Variants in KCNH4 observed in about 807,000 individuals in gnomAD.
The protein encoded by KCNH4 is voltage-gated delayed rectifier potassium channel KCNH4.
A neutral mutation model predicts 90.7 loss-of-function variants in KCNH4; 33 were observed. The observed-to-expected ratio is 0.36, with a 90% CI of 0.28 to 0.49. The LOEUF (loss-of-function observed/expected upper bound fraction) is 0.49. Among genes scored for constraint, KCNH4 ranks in the 20% least tolerant of loss-of-function variants. The pLI, the probability that KCNH4 is intolerant of heterozygous loss-of-function variation, is 0.98. For synonymous variants in KCNH4, 551 were observed against 581.7 expected, an observed-to-expected ratio of 0.95 and a Z score of 0.76; for missense variants, 1,044 against 1,387.1, an observed-to-expected ratio of 0.75 and a Z score of 3.93.
intron 9 of KCNH4, among the ~76,000 whole-genome samples, chr17:42,168,716 A>G (rs1568034412): frequency 6.6e-6 from 1 of 151,450 alleles, no homozygotes; most frequent in Non-Finnish European, 1.5e-5. Context: ...ACAATACCTC[A>G]CCCCCCGGGC....
Position 42,178,946 on chromosome 17 carries a change from T to A in KCNH4, c.157A>T (p.Thr53Ser). ...VYCSDGFCEL[T>S]GYGRTEVMQK... Reference sequence around the variant, plus strand: ...ATGACCTCGGTGCGACCGTAGCCTGTGAGCTCGCAGAAGCCGTCGGAGCAG... The same window carrying A: ...ATGACCTCGGTGCGACCGTAGCCTGAGAGCTCGCAGAAGCCGTCGGAGCAG... The change falls in exon 2 of 17, where the codon ACA becomes TCA. Residue 53 changes from threonine (T) to serine (S), a missense_variant. By Grantham distance (58) the Thr-to-Ser change is moderately conservative (BLOSUM62 1). This residue lies in a region of KCNH4 where 283 missense variants were observed against 378.6 expected (regional missense o/e 0.75). Coordinates refer to ENST00000264661, the MANE Select transcript of KCNH4 (RefSeq NM_012285.3). 1 of 1,614,218 alleles carries A rather than the reference T, an allele frequency of 6.2e-7. No homozygotes were observed. Among genetic ancestry groups the A allele is most frequent in the Non-Finnish European group, 8.5e-7 (1 of 1,180,052 alleles).
intron 1 of KCNH4, among the ~76,000 whole-genome samples, chr17:42,179,966 G>A (rs1460296381): frequency 6.6e-6 from 1 of 152,250 alleles, no homozygotes; most frequent in Non-Finnish European, 1.5e-5. Context: ...GGTGCTCTAG[G>A]AGGGATGACT....
chr17:42,175,123 C>T (rs2079852410), intron 6 of KCNH4, among the ~76,000 whole-genome samples: 1 of 152,226 alleles, frequency 6.6e-6, no homozygotes, highest in Non-Finnish European at 1.5e-5. Flanking sequence ...TCTTCCACCC[C>T]CATTCACCTC....
chr17:42,158,208 G>A (rs540146214), intron 16 of KCNH4, among the ~76,000 whole-genome samples: 13 of 151,372 alleles, frequency 8.6e-5, no homozygotes, highest in East Asian at 7.9e-4. Flanking sequence ...GATTACAGGC[G>A]TGAGCCACCA....
At chr17:42,179,145 C>G in intron 1 of KCNH4, 119 bp from the exon 2 acceptor site, 1 of 671,830 alleles carries the variant, frequency 1.5e-6, no homozygotes. Flanking sequence ...CCCAGGTTTC[C>G]ATGTTGCTCC....
chr17:42,169,967 A>G, intron 8 of KCNH4, 140 bp downstream of exon 8: 1 of 935,130 alleles, frequency 1.1e-6, no homozygotes. Context: ...GGCACTCAGG[A>G]AACGTCCGTG....
Position 42,176,161 on chromosome 17 carries a change from G to A in KCNH4, c.722C>T (p.Ala241Val), listed in dbSNP as rs1379721036. 4.3e-6 allele frequency: 7 copies of A among 1,613,906 alleles called. No homozygotes were observed. Among genetic ancestry groups the A allele is most frequent in the East Asian group, 2.2e-5 (1 of 44,862 alleles). Reference protein sequence around the residue: ...GLILLATFYVAVTVPYNVCFS... With the variant: ...GLILLATFYVVVTVPYNVCFS... ...ACAGACATTGTAGGGGACGGTGACC[G>A]CAACGTAGAAGGTGGCAAGGAGGAT... Residue 241 changes from alanine to valine, a missense_variant, in exon 5 of 17, where the codon GCG becomes GTG. By Grantham distance (64) the Ala-to-Val change is moderately conservative. Coordinates refer to ENST00000264661, the MANE Select transcript of KCNH4 (RefSeq NM_012285.3).
In KCNH4 at chr17:42,172,000, A is replaced by G. The variant is rs2079830755; in HGVS notation, c.988-5T>C. The G allele has an allele frequency of 1.9e-6, 3 of 1,584,520 alleles. No homozygotes were observed. Among genetic ancestry groups the G allele is most frequent in the South Asian group, 2.3e-5 (2 of 88,200 alleles). ...CAGTAGGTGCACCAGCGAGGTCTGC[A>G]GGAAGGTGGCGGGGGAGGCTGTCAG... On this transcript the variant is annotated splice_polypyrimidine_tract_variant and splice_region_variant and intron_variant, in intron 6 of 16. Transcript: ENST00000264661.
At position 42,157,618 on chromosome 17, in the gene KCNH4, G is replaced by A. The variant is rs78037709; in HGVS notation, c.*310-500C>T. The stretch of plus-strand genomic sequence containing the variant: ...GATGTCCTGAGGTTTTTTTTGTTTT[G>A]TTTTGTTTGAGCAGGGTCTCACTCT... On this transcript the variant is annotated intron_variant, in intron 16 of 16. Transcript: ENST00000264661. Among the ~76,000 whole-genome samples the A allele has an allele frequency of 1.5e-3, 229 of 152,074 alleles. 2 individuals are homozygous for A. In the East Asian group the frequency reaches 0.037, roughly 25 times the overall value.
rs2079855898 is a variant in KCNH4 at position 42,175,687 on chromosome 17, T to C, written c.879A>G (p.Val293=). The C allele has an allele frequency of 1.9e-6, 3 of 1,614,070 alleles. No homozygotes were observed. Among genetic ancestry groups the C allele is most frequent in the African/African-American group, 2.7e-5 (2 of 75,004 alleles). ...RTTYVSQSGQ[V]ISAPRSIGLH... ...GGCCAATGGAACGAGGAGCAGAGAT[T>C]ACCTGGCCGGACTGGGACACATAGG... Residue 293 remains valine (V), a synonymous_variant, in exon 6 of 17, where the codon GTA becomes GTG. Coordinates refer to ENST00000264661, the MANE Select transcript of KCNH4 (RefSeq NM_012285.3).
intron 9 of KCNH4, among the ~76,000 whole-genome samples, chr17:42,168,005 G>A (rs1051311991): frequency 1.3e-5 from 2 of 152,094 alleles, no homozygotes; most frequent in Non-Finnish European, 2.9e-5. Flanking sequence ...TCCCTAAAGC[G>A]CTCACTCTGC....
chr17:42,157,662 C>A (rs1490082287), intron 16 of KCNH4, among the ~76,000 whole-genome samples: 1 of 152,132 alleles, frequency 6.6e-6, no homozygotes, highest in Non-Finnish European at 1.5e-5. Context: ...GGCTGGAGTG[C>A]AGTGGTGTGA....
intron 9 of KCNH4, among the ~76,000 whole-genome samples, chr17:42,167,583 T>C (rs553691205): frequency 6.6e-6 from 1 of 152,222 alleles, no homozygotes; most frequent in East Asian, 1.9e-4. Flanking sequence ...GATTCCCATC[T>C]ACCTACCGGG....
At chr17:42,157,290 A>T (rs2079716356) in intron 16 of KCNH4, among the ~76,000 whole-genome samples, 172 bp from the exon 17 acceptor site, 2 of 152,142 alleles carry the variant, frequency 1.3e-5, no homozygotes, top group Admixed American at 1.3e-4. Context: ...TCCAAATTGG[A>T]TGAGGCCCAG....
chr17:42,158,003 A>T (rs150004653), intron 16 of KCNH4, among the ~76,000 whole-genome samples: 7,013 of 151,996 alleles, frequency 0.046, 172 homozygotes, highest in Non-Finnish European at 0.057. Flanking sequence ...ATCTCGGCTC[A>T]CTGCACCCTC....
At chr17:42,179,245 C>T (rs935726315) in intron 1 of KCNH4, among the ~76,000 whole-genome samples, 8 of 152,192 alleles carry the variant, frequency 5.3e-5, no homozygotes, top group African/African-American at 1.7e-4. Flanking sequence ...CAGGGTCTAA[C>T]GGGGAGTTGG....
rs780225295 is a variant in KCNH4 at position 42,165,667 on chromosome 17, T to C, written c.1867A>G (p.Ile623Val). ...LGKGDLIGADIPEPGQEPGLG... is the reference protein window; with the variant it reads ...LGKGDLIGADVPEPGQEPGLG... ...CCAGGCTCCTGCCCCGGCTCAGGGA[T>C]ATCTGCTCCAATCAGGTCCCCCTTC... The change falls in exon 11 of 17, where the codon ATC (isoleucine) becomes GTC (valine). Residue 623 changes from isoleucine (I) to valine (V), a missense_variant. Ile to Val is a conservative substitution (Grantham distance 29). Coordinates refer to ENST00000264661, the MANE Select transcript of KCNH4 (RefSeq NM_012285.3). The C allele has an allele frequency of 3.5e-5, 56 of 1,614,014 alleles. No individual in the cohort carries two copies. Among genetic ancestry groups the C allele is most frequent in the Non-Finnish European group, 4.7e-5 (55 of 1,180,024 alleles).
chr17:42,176,358 T>A, intron 4 of KCNH4, 61 bp from the exon 5 acceptor site: 1 of 1,123,496 alleles, frequency 8.9e-7, no homozygotes, highest in African/African-American at 2.1e-5. Context: ...AGATGGGGGG[T>A]GGGAAAGGCA....
chr17:42,159,585 C>A (rs1029975159), intron 16 of KCNH4, 146 bp downstream of exon 16: 4 of 153,580 alleles, frequency 2.6e-5, no homozygotes, highest in African/African-American at 9.6e-5. Context: ...AGACAGAAGA[C>A]CTCACAATAT....
Sources: allele counts gnomAD v4.1 joint callset (sites outside exome capture counted in the v4.1 genomes callset), GRCh38; gene constraint gnomAD v4.1.1; regional missense constraint gnomAD v4.1.1; transcripts MANE v1.5; gene names NCBI Gene and HGNC (gene_info 2026-07-23, HGNC 2026-07-21).